Variants in CACNA1C observed in about 807,000 individuals in gnomAD.
CACNA1C encodes the protein voltage-dependent L-type calcium channel subunit alpha-1C.
Under a neutral mutation model 229.0 loss-of-function variants are expected in CACNA1C, and 30 were observed. The observed-to-expected ratio is 0.13, with a 90% CI of 0.10 to 0.18. The LOEUF (loss-of-function observed/expected upper bound fraction) is 0.18. CACNA1C is among the 10% of genes least tolerant of loss of function. CACNA1C has a pLI of 1.00. For synonymous variants in CACNA1C, 1,114 were observed against 1,132.5 expected (o/e 0.98, Z 0.33); for missense variants, 1,658 against 2,845.0 (o/e 0.58, Z 9.49).
chr12:2,616,063 G>A (rs1308307482), intron 29 of CACNA1C, among the ~76,000 whole-genome samples: 2 of 152,136 alleles, frequency 1.3e-5, no homozygotes, highest in African/African-American at 2.4e-5. Flanking sequence ...AGAGGAGGAC[G>A]CTGGAAGGGC....
At chr12:2,135,678 C>G (rs2093318564) in intron 3 of CACNA1C, among the ~76,000 whole-genome samples, 1 of 144,248 alleles carries the variant, frequency 6.9e-6, no homozygotes, top group African/African-American at 2.8e-5. Flanking sequence ...AGATCTCCAG[C>G]CGCGTGCTGG....
Position 2,669,809 on chromosome 12 carries a change from C to T in CACNA1C, c.4726+774C>T, listed in dbSNP as rs376638105. Among the ~76,000 whole-genome samples, 77 of 152,300 alleles carry T rather than the reference C, an allele frequency of 5.1e-4. 1 individual carries two copies. The South Asian group carries it at 0.015, about 30-fold the overall frequency. On this transcript the variant is annotated intron_variant, in intron 38 of 46. Transcript: ENST00000399655. ...CCTCACCTGTGCCACCTAGTCAGAC[C>T]GGGCTCCCTCAGGGCTGCGTCCACC...
intron 3 of CACNA1C, among the ~76,000 whole-genome samples, chr12:2,338,105 C>G (rs2096754432): frequency 6.6e-6 from 1 of 152,150 alleles, no homozygotes; most frequent in South Asian, 2.1e-4. Flanking sequence ...CATGCCTTTC[C>G]TACAGCCAGG....
chr12:2,668,119 T>C (rs1293596301), intron 37 of CACNA1C, among the ~76,000 whole-genome samples: 1 of 76,002 alleles, frequency 1.3e-5, no homozygotes. Flanking sequence ...GCTCCTGTGA[T>C]CCTTTCTCTT....
At chr12:2,089,125 G>T (rs998456297) in intron 1 of CACNA1C, among the ~76,000 whole-genome samples, 1 of 152,046 alleles carries the variant, frequency 6.6e-6, no homozygotes, top group South Asian at 2.1e-4. Context: ...TTCATGGTTC[G>T]TGCACACGTG....
rs374058278 is a variant in CACNA1C at position 2,513,743 on chromosome 12, C to T, written c.1390+759C>T. 5.9e-5 allele frequency among the ~76,000 whole-genome samples: 9 copies of T among 152,290 alleles called. No homozygotes were observed. In the South Asian group the frequency reaches 6.2e-4, roughly 11 times the overall value. On this transcript the variant is annotated intron_variant, in intron 9 of 46. Coordinates refer to ENST00000399655, the MANE Select transcript of CACNA1C (RefSeq NM_000719.7). ...TCAAAGCATGGCCGCTGACCAGCAG[C>T]GTCAGCATTACCTGGAAACTTGTTA...
intron 9 of CACNA1C, among the ~76,000 whole-genome samples, chr12:2,546,203 G>A (rs2099880625): frequency 6.6e-6 from 1 of 152,192 alleles, no homozygotes; most frequent in Non-Finnish European, 1.5e-5. Context: ...ACACTCCTGT[G>A]CAGTTGCTGG....
chr12:2,232,395 G>A (rs1284897206), intron 3 of CACNA1C, among the ~76,000 whole-genome samples: 1 of 151,966 alleles, frequency 6.6e-6, no homozygotes, highest in Non-Finnish European at 1.5e-5. Flanking sequence ...CATACTAAAT[G>A]CATACTTCTG....
intron 3 of CACNA1C, among the ~76,000 whole-genome samples, chr12:2,391,140 A>G (rs1316768694): frequency 6.6e-6 from 1 of 152,236 alleles, no homozygotes; most frequent in African/African-American, 2.4e-5. Flanking sequence ...TCAGAAGACC[A>G]AGAAGATGGG....
chr12:2,377,989 A>G (rs1037810177), intron 3 of CACNA1C, among the ~76,000 whole-genome samples: 1 of 152,164 alleles, frequency 6.6e-6, no homozygotes, highest in Non-Finnish European at 1.5e-5. Context: ...ATCTGGCAGT[A>G]ATCTGGTGGT....
intron 3 of CACNA1C, among the ~76,000 whole-genome samples, chr12:2,314,187 G>A (rs904380338): frequency 1.7e-4 from 26 of 152,184 alleles, no homozygotes; most frequent in Non-Finnish European, 8.8e-5. Flanking sequence ...TCTAGGCTGG[G>A]TCCATGCCTC....
At chr12:2,153,949 A>G (rs559686883) in intron 3 of CACNA1C, among the ~76,000 whole-genome samples, 75 of 152,206 alleles carry the variant, frequency 4.9e-4, no homozygotes, top group Non-Finnish European at 9.6e-4. Context: ...GTCCTTGGAC[A>G]TTTATTTCCC....
chr12:2,390,460 C>T (rs2887780), intron 3 of CACNA1C, among the ~76,000 whole-genome samples: 102,101 of 152,152 alleles, frequency 0.67, 34,727 homozygotes, highest in Non-Finnish European at 0.73. Flanking sequence ...GAACCGACAA[C>T]AAGATATAAT....
At chr12:2,056,145 C>T (rs1032264050) in intron 1 of CACNA1C, among the ~76,000 whole-genome samples, 1 of 151,812 alleles carries the variant, frequency 6.6e-6, no homozygotes, top group Non-Finnish European at 1.5e-5. Flanking sequence ...ATGCACCAGT[C>T]CTTGCTCCCT....
rs1055922924 is a variant in CACNA1C at position 1,990,848 on chromosome 12, G to A, written c.139+19647G>A. Among the ~76,000 whole-genome samples, 20 of 152,064 alleles carry A rather than the reference G, an allele frequency of 1.3e-4. 1 individual carries two copies. The highest frequency in any genetic ancestry group is 5.2e-4 in the Admixed American group (8 of 15,270). On this transcript the variant is annotated intron_variant, in intron 1 of 46. Coordinates refer to the CACNA1C transcript ENST00000682462. ...TTGAATTCTATTAAAACGTTTAAGA[G>A]GTATCTGACACTCTGACAGCACCTG... is the stretch of plus-strand genomic sequence containing the variant.
intron 3 of CACNA1C, among the ~76,000 whole-genome samples, chr12:2,442,590 C>T (rs1405996778): frequency 6.6e-6 from 1 of 152,118 alleles, no homozygotes; most frequent in African/African-American, 2.4e-5. Flanking sequence ...CCCTTCCAGC[C>T]TGTATTGGGC....
At chr12:2,350,690 G>A (rs941208631) in intron 3 of CACNA1C, among the ~76,000 whole-genome samples, 5 of 152,210 alleles carry the variant, frequency 3.3e-5, no homozygotes, top group Middle Eastern at 3.2e-3. Context: ...CTTCAGGCTC[G>A]GCGGCTCAGC....
At chr12:2,670,351 T>G (rs1366157360) in intron 38 of CACNA1C, among the ~76,000 whole-genome samples, 1 of 152,144 alleles carries the variant, frequency 6.6e-6, no homozygotes, top group Admixed American at 6.5e-5. Context: ...ACTAATGACA[T>G]GAGTATGAGC....
intron 42 of CACNA1C, 35 bp from the exon 43 acceptor site, chr12:2,682,515 G>A (rs779684075): frequency 4.9e-5 from 78 of 1,604,286 alleles, no homozygotes; most frequent in Non-Finnish European, 6.5e-5. Context: ...AAGGTTGGCA[G>A]TTTCTGATGT....
Sources: allele counts gnomAD v4.1 joint callset (sites outside exome capture counted in the v4.1 genomes callset), GRCh38; gene constraint gnomAD v4.1.1; transcripts MANE v1.5; gene names NCBI Gene and HGNC (gene_info 2026-07-23, HGNC 2026-07-21).